Variants in USP10 observed in about 807,000 individuals in gnomAD.
The protein encoded by USP10 is ubiquitin specific peptidase 10.
Under a neutral mutation model 84.5 loss-of-function variants are expected in USP10, and 22 were observed. The ratio of observed to expected loss-of-function variants is 0.26; its 90% confidence interval spans 0.19 to 0.37. USP10 has a LOEUF of 0.37. USP10 is among the 10% of genes least tolerant of loss of function. The probability of loss-of-function intolerance (pLI) is 1.00; values close to 1 mark genes in which losing one functional copy is unlikely to be tolerated. For missense variants in USP10, 1,019 were observed against 998.9 expected (o/e 1.02, Z -0.27); for synonymous variants, 454 against 387.6 (o/e 1.17, Z -2.01).
chr16:84,758,383 C>G (rs747507455), intron 4 of USP10, among the ~76,000 whole-genome samples: 1 of 152,142 alleles, frequency 6.6e-6, no homozygotes, highest in Admixed American at 6.5e-5. Context: ...GGAAGAAAGG[C>G]TGTATCTCTC....
At chr16:84,730,115 C>T (rs953416456) in intron 1 of USP10, among the ~76,000 whole-genome samples, 1 of 152,188 alleles carries the variant, frequency 6.6e-6, no homozygotes, top group Non-Finnish European at 1.5e-5. Flanking sequence ...ATCCCCTCCA[C>T]TCCTGTCTGC....
intron 1 of USP10, among the ~76,000 whole-genome samples, chr16:84,728,795 C>T (rs760819885): frequency 2.0e-5 from 3 of 151,786 alleles, no homozygotes; most frequent in Non-Finnish European, 2.9e-5. Flanking sequence ...ATAAGCAGCA[C>T]CTCTTCTTTT....
chr16:84,705,466 C>G (rs1046643360), intron 1 of USP10, among the ~76,000 whole-genome samples: 1 of 152,024 alleles, frequency 6.6e-6, no homozygotes, highest in Admixed American at 6.6e-5. Flanking sequence ...CTCCTGACCT[C>G]ACGATCCGCC....
intron 4 of USP10, among the ~76,000 whole-genome samples, chr16:84,756,308 T>G (rs1352526302): frequency 6.6e-6 from 1 of 152,200 alleles, no homozygotes; most frequent in East Asian, 1.9e-4. Flanking sequence ...TAACAAAGGT[T>G]TCAGCCACAC....
At chr16:84,755,334 A>G (rs1912406190) in intron 4 of USP10, among the ~76,000 whole-genome samples, 1 of 151,542 alleles carries the variant, frequency 6.6e-6, no homozygotes, top group Non-Finnish European at 1.5e-5. Context: ...TCTCCCACCC[A>G]GAAACTTCGC....
chr16:84,722,554 T>A (rs1209558446), intron 1 of USP10, among the ~76,000 whole-genome samples: 1 of 152,128 alleles, frequency 6.6e-6, no homozygotes, highest in East Asian at 1.9e-4. Context: ...CTCACCAACA[T>A]TTGATATTGT....
chr16:84,718,547 G>T (rs1045346113), intron 1 of USP10, among the ~76,000 whole-genome samples: 1 of 152,078 alleles, frequency 6.6e-6, no homozygotes, highest in Non-Finnish European at 1.5e-5. Flanking sequence ...TCACCTGTCA[G>T]GAGTTCAAGA....
At position 84,779,538 on chromosome 16, in the gene USP10, A is replaced by G. The variant is rs1192950886; in HGVS notation, c.*456A>G. On this transcript the variant is annotated 3_prime_UTR_variant, in exon 14 of 14. Transcript: ENST00000219473. Reference sequence around the variant, plus strand: ...GATAAATGATAAAAATGAGCCAGTTATCAAAGAAGAACTAGTTCTTACTTC... The same window carrying G: ...GATAAATGATAAAAATGAGCCAGTTGTCAAAGAAGAACTAGTTCTTACTTC... 8.5e-5 allele frequency: 13 copies of G among 153,138 alleles called. No individual in the cohort carries two copies. The highest frequency in any genetic ancestry group is 3.1e-4 in the African/African-American group (13 of 41,476). 9.5% of individuals were successfully genotyped at this position (153,138 alleles called of 1,614,324 possible). A position where few individuals can be genotyped will look rare whatever the true frequency, so the allele number is the denominator to read the frequency against.
At position 84,779,247 on chromosome 16, in the gene USP10, C is replaced by T; in HGVS notation, c.*165C>T. On this transcript the variant is annotated 3_prime_UTR_variant, in exon 14 of 14. Coordinates refer to ENST00000219473, the MANE Select transcript of USP10 (RefSeq NM_005153.3). Reference sequence around the variant, plus strand: ...GCCTTGGGGTTCGTGCACAACACAGCTTCTGTTGACTCTAACTTCCAAATC... The same window carrying T: ...GCCTTGGGGTTCGTGCACAACACAGTTTCTGTTGACTCTAACTTCCAAATC... The T allele has an allele frequency of 1.6e-6, 1 of 638,592 alleles. No individual in the cohort carries two copies. The highest frequency in any genetic ancestry group is 3.8e-5 in the Admixed American group (1 of 26,658). 39.6% of individuals were successfully genotyped at this position (638,592 alleles called of 1,614,324 possible). A position where few individuals can be genotyped will look rare whatever the true frequency, so the allele number is the denominator to read the frequency against.
At chr16:84,704,317 CT>C (rs1320513312) in intron 1 of USP10, among the ~76,000 whole-genome samples, 3 of 152,206 alleles carry the variant, frequency 2.0e-5, no homozygotes, top group African/African-American at 7.2e-5. Flanking sequence ...GAAGAGCTTG[CT>C]TTTGAATTTG....
At chr16:84,764,994 A>G (rs956097726) in intron 10 of USP10, among the ~76,000 whole-genome samples, 4 of 146,210 alleles carry the variant, frequency 2.7e-5, no homozygotes, top group African/African-American at 7.6e-5. Context: ...ACATAAAACC[A>G]CCTCCGGGAG....
At chr16:84,748,073 G>C (rs890224565) in intron 4 of USP10, among the ~76,000 whole-genome samples, 10 of 138,064 alleles carry the variant, frequency 7.2e-5, no homozygotes, top group Non-Finnish European at 1.4e-4. Context: ...AGAATGGCGT[G>C]AACCTGGGAG....
rs774298 is a variant in USP10, at chr16:84,775,218, C to A, written c.2202C>A (p.Leu734=). The A allele has an allele frequency of 5.3e-3, 8,492 of 1,613,228 alleles. 37 individuals are homozygous for A. The highest frequency in any genetic ancestry group is 7.0e-3 in the Admixed American group (422 of 60,006). ...KNFKCHRTYR[L]FAVVYHHGNS... is the part of the protein sequence containing the mutation. ...TTAAATGCCACCGAACCTATCGGCT[C>A]TTTGCAGGTGAGTAAATTTGTACGA... The change falls in exon 13 of 14, where the codon CTC becomes CTA. Residue 734 remains leucine (L), a synonymous_variant. Coordinates refer to ENST00000219473, the MANE Select transcript of USP10 (RefSeq NM_005153.3).
intron 10 of USP10, among the ~76,000 whole-genome samples, chr16:84,767,221 G>C (rs1913961115): frequency 6.6e-6 from 1 of 152,006 alleles, no homozygotes; most frequent in Non-Finnish European, 1.5e-5. Context: ...TGAGAAACTA[G>C]GTCACCGAGA....
At chr16:84,718,294 C>A (rs529145529) in intron 1 of USP10, among the ~76,000 whole-genome samples, 41 of 152,230 alleles carry the variant, frequency 2.7e-4, no homozygotes, top group African/African-American at 9.6e-4. Flanking sequence ...TACTCTGTGA[C>A]CCAAGATAGA....
intron 1 of USP10, chr16:84,732,444 C>CTTTTTTTTT: frequency 3.8e-5 from 12 of 318,014 alleles, no homozygotes; most frequent in East Asian, 1.2e-4. Flanking sequence ...TCTTCTTCTT[C>CTTTTTTTTT]TTTTTTTTTT....
At chr16:84,777,800 C>T (rs147243228) in intron 13 of USP10, among the ~76,000 whole-genome samples, 53 of 152,352 alleles carry the variant, frequency 3.5e-4, no homozygotes, top group African/African-American at 1.3e-3. Flanking sequence ...TGCTGAAATT[C>T]CCTACCAGCC....
At chr16:84,738,548 T>G (rs1289950469) in intron 2 of USP10, among the ~76,000 whole-genome samples, 2 of 152,206 alleles carry the variant, frequency 1.3e-5, no homozygotes, top group Non-Finnish European at 2.9e-5. Flanking sequence ...CCAGCATCAA[T>G]GCTGGTGTGT....
At chr16:84,732,998 C>A in intron 1 of USP10, 1 of 425,140 alleles carries the variant, frequency 2.4e-6, no homozygotes, top group Admixed American at 3.1e-5. Context: ...TAACATTTTC[C>A]TTTTTTGGAT....
Sources: allele counts gnomAD v4.1 joint callset (sites outside exome capture counted in the v4.1 genomes callset), GRCh38; gene constraint gnomAD v4.1.1; transcripts MANE v1.5; gene names NCBI Gene and HGNC (gene_info 2026-07-23, HGNC 2026-07-21).